Variants in LRRC69 observed in about 807,000 individuals in gnomAD.
LRRC69 encodes the protein leucine-rich repeat-containing protein 69.
LRRC69 carries 42 observed loss-of-function variants against 37.8 expected under a neutral mutation model. That is an observed-to-expected ratio of 1.11 (90% CI 0.87 to 1.44). The LOEUF (loss-of-function observed/expected upper bound fraction) is 1.44. Ranked by LOEUF, LRRC69 falls within the 40% of genes most tolerant of loss-of-function variation. LRRC69 has a pLI of 0.00. For missense variants in LRRC69, 357 were observed against 401.9 expected, an observed-to-expected ratio of 0.89 and a Z score of 0.96; for synonymous variants, 141 against 143.1, an observed-to-expected ratio of 0.99 and a Z score of 0.11.
In LRRC69 at chr8:91,140,723, G is replaced by T. The variant is rs1189429614; in HGVS notation, c.651+4984G>T. 1.3e-4 allele frequency among the ~76,000 whole-genome samples: 2 copies of T among 15,860 alleles called. 1 individual carries two copies. The highest frequency in any genetic ancestry group is 6.9e-4 in the African/African-American group (2 of 2,912). The allele number at this position is 15,860 out of a possible 152,430, so 10.4% of individuals were successfully genotyped here. On this transcript the variant is annotated intron_variant, in intron 5 of 7. Coordinates refer to ENST00000448384, the Ensembl canonical transcript of LRRC69. ...GGCTGGAGTGCAGTGGCGCGATCTC[G>T]GCTCACTGCAAGCTCCGCCTCCCGG...
At chr8:91,167,749 A>G (rs918909923) in intron 5 of LRRC69, among the ~76,000 whole-genome samples, 2 of 151,922 alleles carry the variant, frequency 1.3e-5, no homozygotes, top group Non-Finnish European at 2.9e-5. Context: ...GATGCTCAGA[A>G]CTGGCTCTTC....
intron 3 of LRRC69, among the ~76,000 whole-genome samples, chr8:91,127,601 CAAAAAAAAAAAAAAAAAAA>C (rs554876868): frequency 1.5e-5 from 1 of 66,570 alleles, no homozygotes; most frequent in African/African-American, 5.7e-5. Context: ...TGTCATTAAC[CAAAAAAAAAAAAAAAAAAA>C]AAAAAAAAAA....
intron 3 of LRRC69, among the ~76,000 whole-genome samples, chr8:91,128,983 G>A (rs556481179): frequency 3.3e-5 from 5 of 152,136 alleles, no homozygotes; most frequent in African/African-American, 1.2e-4. Flanking sequence ...CTGTGCTGAT[G>A]TTTGATTTCC....
intron 7 of LRRC69, among the ~76,000 whole-genome samples, chr8:91,217,084 G>T (rs1300518417): frequency 6.6e-6 from 1 of 151,978 alleles, no homozygotes; most frequent in Non-Finnish European, 1.5e-5. Flanking sequence ...CTATCCTTGG[G>T]CTGAGCCATA....
intron 6 of LRRC69, among the ~76,000 whole-genome samples, chr8:91,192,542 C>T (rs1393775458): frequency 1.3e-5 from 2 of 151,270 alleles, no homozygotes; most frequent in Non-Finnish European, 3.0e-5. Context: ...GCCATTCTAA[C>T]TGGTGTGAGA....
rs182002176 is a variant in LRRC69, at chr8:91,149,193, C to G, written c.651+13454C>G. Among the ~76,000 whole-genome samples, 5 of 152,036 alleles carry G rather than the reference C, an allele frequency of 3.3e-5. No homozygotes were observed. The East Asian group carries it at 9.7e-4, about 29-fold the overall frequency. ...TCCTGAATGGTATTGCCTAGGTTTTCTTCTAGGGTTTTTATGGTTTTAGGT... is the reference window on the plus strand; with the variant it reads ...TCCTGAATGGTATTGCCTAGGTTTTGTTCTAGGGTTTTTATGGTTTTAGGT... On this transcript the variant is annotated intron_variant, in intron 5 of 7. Transcript: ENST00000448384.
At chr8:91,210,562 G>GACACACACACAC (rs35968986) in intron 7 of LRRC69, among the ~76,000 whole-genome samples, 3,161 of 146,152 alleles carry the variant, frequency 0.022, 44 homozygotes, top group Non-Finnish European at 0.026. Context: ...CACACACACA[G>GACACACACACAC]ACACACACAC....
intron 5 of LRRC69, among the ~76,000 whole-genome samples, chr8:91,175,526 C>A (rs1490670544): frequency 6.6e-6 from 1 of 151,994 alleles, no homozygotes; most frequent in Admixed American, 6.6e-5. Flanking sequence ...TTAGGCCAAC[C>A]CTTTTGCGGC....
rs551419409 is a variant in LRRC69, at chr8:91,148,866, C to T, written c.651+13127C>T. 1.2e-3 allele frequency among the ~76,000 whole-genome samples: 189 copies of T among 152,022 alleles called. 1 individual carries two copies. In the Middle Eastern group the frequency reaches 0.031, roughly 25 times the overall value. Reference sequence around the variant, plus strand: ...GAGCATTTTTTCATGTGTCTTTTGGCGGCATAAATGTCTTCTTTTGAGAAA... The same window carrying T: ...GAGCATTTTTTCATGTGTCTTTTGGTGGCATAAATGTCTTCTTTTGAGAAA... On this transcript the variant is annotated intron_variant, in intron 5 of 7. Coordinates refer to ENST00000448384, the Ensembl canonical transcript of LRRC69.
intron 5 of LRRC69, among the ~76,000 whole-genome samples, chr8:91,156,444 AG>A (rs1808836402): frequency 6.6e-6 from 1 of 150,700 alleles, no homozygotes; most frequent in Admixed American, 6.7e-5. Flanking sequence ...TTTGCTCTTG[AG>A]TTGGGTTCTT....
chr8:91,120,074 C>T (rs1813592785), intron 1 of LRRC69, among the ~76,000 whole-genome samples: 1 of 151,904 alleles, frequency 6.6e-6, no homozygotes, highest in African/African-American at 2.4e-5. Context: ...TTCTAGTTTC[C>T]CTTCATAGCA....
chr8:91,114,388 T>C (rs1057242790), intron 1 of LRRC69, among the ~76,000 whole-genome samples: 2 of 151,868 alleles, frequency 1.3e-5, no homozygotes, highest in African/African-American at 4.8e-5. Flanking sequence ...AGCCAAGATA[T>C]GGGAACAACC....
At chr8:91,196,896 C>T (rs1809612540) in intron 6 of LRRC69, among the ~76,000 whole-genome samples, 2 of 152,142 alleles carry the variant, frequency 1.3e-5, no homozygotes, top group Admixed American at 6.5e-5. Flanking sequence ...GCACTGCGTT[C>T]CTTTGGAGGA....
chr8:91,173,640 C>G (rs1809172381), intron 5 of LRRC69, among the ~76,000 whole-genome samples: 1 of 152,028 alleles, frequency 6.6e-6, no homozygotes, highest in Non-Finnish European at 1.5e-5. Flanking sequence ...ATACCTTAGA[C>G]TGAGTAATTT....
chr8:91,212,439 T>C (rs564627000), intron 7 of LRRC69, among the ~76,000 whole-genome samples: 1 of 152,286 alleles, frequency 6.6e-6, no homozygotes, highest in Non-Finnish European at 1.5e-5. Flanking sequence ...TAATTAAAAC[T>C]ACCCTCAAAA....
chr8:91,184,275 C>G (rs1406146530), intron 5 of LRRC69, among the ~76,000 whole-genome samples: 1 of 151,958 alleles, frequency 6.6e-6, no homozygotes, highest in African/African-American at 2.4e-5. Context: ...TAAAACCCCA[C>G]CCACTCATCC....
In LRRC69 at chr8:91,142,707, A is replaced by G. The variant is rs896490510; in HGVS notation, c.651+6968A>G. 2.7e-4 allele frequency among the ~76,000 whole-genome samples: 41 copies of G among 152,042 alleles called. 2 individuals carry two copies. The highest frequency in any genetic ancestry group is 8.8e-5 in the Non-Finnish European group (6 of 68,034). On this transcript the variant is annotated intron_variant, in intron 5 of 7. Transcript: ENST00000448384. ...CTGTAAGTCCAGGAACTACACTTGGAAAACCATTGGCCTAAATGATGGAAC... is the reference window on the plus strand; with the variant it reads ...CTGTAAGTCCAGGAACTACACTTGGGAAACCATTGGCCTAAATGATGGAAC...
intron 4 of LRRC69, among the ~76,000 whole-genome samples, chr8:91,134,077 G>C (rs1813861000): frequency 6.6e-6 from 1 of 150,926 alleles, no homozygotes; most frequent in South Asian, 2.1e-4. Flanking sequence ...TTCTGCTTGG[G>C]AGACTGACCT....
At chr8:91,201,629 G>A (rs749331744) in intron 7 of LRRC69, among the ~76,000 whole-genome samples, 2 of 151,898 alleles carry the variant, frequency 1.3e-5, no homozygotes, top group Non-Finnish European at 2.9e-5. Flanking sequence ...ACTTGTTCTA[G>A]ACTGTCTAAT....
Sources: gnomAD v4.1 joint callset for allele counts (sites outside exome capture counted in the v4.1 genomes callset) on GRCh38, gnomAD v4.1.1 for gene constraint, MANE v1.5 for transcripts, NCBI Gene and HGNC (gene_info 2026-07-23, HGNC 2026-07-21) for gene names.